STARD13: variants seen among roughly 807,000 people sequenced by gnomAD.
STARD13 encodes the protein stAR-related lipid transfer protein 13.
In STARD13, 62 loss-of-function variants were observed where a neutral mutation model predicts 106.4. The observed-to-expected ratio is 0.58, with a 90% CI of 0.48 to 0.72. STARD13 has a LOEUF of 0.72. Among genes scored for constraint, STARD13 ranks in the 30% least tolerant of loss-of-function variants. The pLI is 0.00. For missense variants in STARD13, 1,387 were observed against 1,424.0 expected (o/e 0.97, Z 0.42); for synonymous variants, 565 against 553.0 (o/e 1.02, Z -0.31).
At chr13:33,504,386 A>C in the STARD13 span, among the ~76,000 whole-genome samples, 1 of 152,168 alleles carries the variant, frequency 6.6e-6, no homozygotes, top group African/African-American at 2.4e-5. Context: ...CTGGATTAAG[A>C]AAATATGGCA....
intron 3 of STARD13, among the ~76,000 whole-genome samples, chr13:33,163,807 C>A (rs1883026285): frequency 6.9e-6 from 1 of 145,476 alleles, no homozygotes; most frequent in African/African-American, 2.5e-5. Flanking sequence ...TTCAAAAATT[C>A]AATGGGAAAA....
chr13:33,274,307 C>T (rs547187284), intron 1 of STARD13, among the ~76,000 whole-genome samples: 3 of 151,914 alleles, frequency 2.0e-5, no homozygotes, highest in Admixed American at 6.6e-5. Flanking sequence ...GGTGTCTTTA[C>T]AAGAGGAGAT....
intron 1 of STARD13, among the ~76,000 whole-genome samples, chr13:33,328,182 G>A (rs2077798417): frequency 6.6e-6 from 1 of 152,166 alleles, no homozygotes; most frequent in South Asian, 2.1e-4. Flanking sequence ...GATTAAGCAG[G>A]ATCCAGGTAT....
At chr13:33,219,813 C>CAAA (rs71196513) in intron 1 of STARD13, among the ~76,000 whole-genome samples, 14 of 116,690 alleles carry the variant, frequency 1.2e-4, no homozygotes, top group South Asian at 3.2e-4. Flanking sequence ...TAAAAACAAA[C>CAAA]AAAAAAAAAA....
the STARD13 span, among the ~76,000 whole-genome samples, chr13:33,631,206 G>C: frequency 6.6e-6 from 1 of 152,182 alleles, no homozygotes; most frequent in African/African-American, 2.4e-5. Context: ...AAAAGCACTA[G>C]GGATTTATAA....
chr13:33,299,410 T>G (rs1308065749), intron 1 of STARD13, among the ~76,000 whole-genome samples: 1 of 152,214 alleles, frequency 6.6e-6, no homozygotes, highest in Non-Finnish European at 1.5e-5. Context: ...AAACACTTCC[T>G]AAGAAATTAC....
chr13:33,223,230 A>G (rs867527578), intron 1 of STARD13, among the ~76,000 whole-genome samples: 1 of 152,362 alleles, frequency 6.6e-6, no homozygotes, highest in African/African-American at 2.4e-5. Flanking sequence ...ACATGGTTAT[A>G]GAGAAGTCCC....
intron 1 of STARD13, among the ~76,000 whole-genome samples, chr13:33,243,367 A>G (rs1012862374): frequency 6.6e-6 from 1 of 152,158 alleles, no homozygotes; most frequent in Admixed American, 6.5e-5. Context: ...GAAGGCACAG[A>G]TTCCTGCCAG....
the STARD13 span, among the ~76,000 whole-genome samples, chr13:33,386,027 A>G: frequency 6.6e-6 from 1 of 152,122 alleles, no homozygotes; most frequent in East Asian, 1.9e-4. Context: ...TTTATTCATC[A>G]GGTATGTTGA....
At chr13:33,111,728 T>A in intron 10 of STARD13, 50 bp downstream of exon 10, 1 of 1,107,030 alleles carries the variant, frequency 9.0e-7, no homozygotes, top group Non-Finnish European at 1.4e-6. Context: ...AAGCGTCTTA[T>A]CTAGTTCCAA....
At chr13:33,491,157 T>C in the STARD13 span, among the ~76,000 whole-genome samples, 1 of 152,226 alleles carries the variant, frequency 6.6e-6, no homozygotes, top group Non-Finnish European at 1.5e-5. Flanking sequence ...TGTGCTGAAC[T>C]GAACTGTTGA....
chr13:33,474,153 G>A, the STARD13 span, among the ~76,000 whole-genome samples: 1 of 152,114 alleles, frequency 6.6e-6, no homozygotes, highest in Non-Finnish European at 1.5e-5. Flanking sequence ...TGGTTGAATG[G>A]GAAAGCAAGA....
the STARD13 span, among the ~76,000 whole-genome samples, chr13:33,658,965 A>T: frequency 4.6e-5 from 7 of 152,128 alleles, no homozygotes; most frequent in African/African-American, 1.7e-4. Flanking sequence ...GAGCCTCCTG[A>T]TAGCTGAACA....
the STARD13 span, among the ~76,000 whole-genome samples, chr13:33,542,945 C>G: frequency 6.6e-6 from 1 of 152,212 alleles, no homozygotes; most frequent in African/African-American, 2.4e-5. Flanking sequence ...GGGGAGGGAC[C>G]CGAGTCTCCG....
chr13:33,446,174 T>C, the STARD13 span, among the ~76,000 whole-genome samples: 3 of 152,224 alleles, frequency 2.0e-5, no homozygotes, highest in Non-Finnish European at 4.4e-5. Context: ...TGTTCCTTAT[T>C]TACCATACTA....
chr13:33,233,556 T>C (rs987660245), intron 1 of STARD13, among the ~76,000 whole-genome samples: 5 of 152,180 alleles, frequency 3.3e-5, no homozygotes, highest in Admixed American at 2.0e-4. Context: ...TTCACCATCC[T>C]TCAGTTGTTC....
intron 1 of STARD13, among the ~76,000 whole-genome samples, chr13:33,304,898 G>T (rs1157589534): frequency 6.6e-6 from 1 of 152,170 alleles, no homozygotes; most frequent in Non-Finnish European, 1.5e-5. Context: ...ATGGGTTTGA[G>T]GCTGAGAATG....
Position 33,110,733 on chromosome 13 carries a change from A to G in STARD13, c.2782T>C (p.Trp928Arg). ...TTGTCCGTGCTGGAGCACGTGACCC[A>G]TCCTTTGAACTTCTCCTTGGCTTCT... is the stretch of plus-strand genomic sequence containing the variant. ...QKEAKEKFKG[W>R]VTCSSTDNTD... The change falls in exon 11 of 14, where the codon TGG becomes CGG. Residue 928 changes from tryptophan (W) to arginine (R), a missense_variant. Transcript: ENST00000336934. The G allele has an allele frequency of 6.2e-7, 1 of 1,614,258 alleles. No homozygotes were observed. The highest frequency in any genetic ancestry group is 1.1e-5 in the South Asian group (1 of 91,092).
the STARD13 span, among the ~76,000 whole-genome samples, chr13:33,444,141 G>T: frequency 6.6e-6 from 1 of 152,094 alleles, no homozygotes; most frequent in African/African-American, 2.4e-5. Flanking sequence ...TTTTCTCTGG[G>T]TATTGTATTC....
Sources: gnomAD v4.1 joint callset for allele counts (sites outside exome capture counted in the v4.1 genomes callset) on GRCh38, gnomAD v4.1.1 for gene constraint, MANE v1.5 for transcripts, NCBI Gene and HGNC (gene_info 2026-07-23, HGNC 2026-07-21) for gene names.